PPP2R3A: variants seen among roughly 807,000 people sequenced by gnomAD.
PPP2R3A encodes protein phosphatase 2 regulatory subunit B''alpha.
PPP2R3A carries 80 observed loss-of-function variants against 106.9 expected under a neutral mutation model. That is an observed-to-expected ratio of 0.75 (90% CI 0.62 to 0.90). The LOEUF is 0.90. Among genes scored for constraint, PPP2R3A ranks in the 40% least tolerant of loss-of-function variants. PPP2R3A has a pLI of 0.00. For synonymous variants in PPP2R3A, 483 were observed against 468.3 expected, an observed-to-expected ratio of 1.03 and a Z score of -0.41; for missense variants, 1,386 against 1,350.4, an observed-to-expected ratio of 1.03 and a Z score of -0.41.
At chr3:136,105,981 A>G (rs1937506283) in intron 12 of PPP2R3A, among the ~76,000 whole-genome samples, 1 of 152,172 alleles carries the variant, frequency 6.6e-6, no homozygotes. Context: ...AAAAGAAAAA[A>G]GAAAAAAATG....
chr3:136,115,052 G>A (rs532454338), intron 13 of PPP2R3A, among the ~76,000 whole-genome samples: 3 of 152,344 alleles, frequency 2.0e-5, no homozygotes, highest in East Asian at 1.9e-4. Context: ...CATCTGGGAC[G>A]AAGCTTCCAG....
chr3:136,106,482 A>G (rs182627149), intron 13 of PPP2R3A, 160 bp downstream of exon 13: 36 of 627,168 alleles, frequency 5.7e-5, no homozygotes, highest in Middle Eastern at 8.2e-4. Context: ...TTTTCCAGCA[A>G]TCTTCACTCA....
chr3:136,125,483 A>T (rs1181709912), intron 13 of PPP2R3A, among the ~76,000 whole-genome samples: 2 of 152,230 alleles, frequency 1.3e-5, no homozygotes, highest in African/African-American at 4.8e-5. Context: ...AGCCAGTATC[A>T]CCCTAATATC....
chr3:136,095,130 G>T (rs1937186633), intron 10 of PPP2R3A, among the ~76,000 whole-genome samples: 1 of 151,990 alleles, frequency 6.6e-6, no homozygotes, highest in Admixed American at 6.6e-5. Context: ...CAGCATCTTT[G>T]AACTGTTTTT....
intron 2 of PPP2R3A, among the ~76,000 whole-genome samples, chr3:136,018,566 A>G (rs1034409469): frequency 1.3e-5 from 2 of 152,278 alleles, no homozygotes; most frequent in Non-Finnish European, 2.9e-5. Context: ...TAAGCCTAAC[A>G]GAATGAATTG....
At chr3:136,035,627 C>T (rs980823436) in intron 3 of PPP2R3A, among the ~76,000 whole-genome samples, 14 of 152,146 alleles carry the variant, frequency 9.2e-5, no homozygotes, top group African/African-American at 7.2e-5. Context: ...TTTTAGGTTA[C>T]GTAGTACTTT....
intron 13 of PPP2R3A, among the ~76,000 whole-genome samples, chr3:136,144,538 G>A (rs1213350180): frequency 2.0e-5 from 3 of 152,068 alleles, no homozygotes; most frequent in African/African-American, 7.2e-5. Flanking sequence ...GCGCATGCAT[G>A]TAGTCCCAGC....
intron 5 of PPP2R3A, among the ~76,000 whole-genome samples, chr3:136,068,093 C>A (rs1055918154): frequency 1.2e-4 from 19 of 152,282 alleles, no homozygotes; most frequent in African/African-American, 3.4e-4. Context: ...TGGCACACAC[C>A]TGTAGTTCCA....
At chr3:136,083,147 G>A (rs1936833262) in intron 8 of PPP2R3A, among the ~76,000 whole-genome samples, 1 of 152,090 alleles carries the variant, frequency 6.6e-6, no homozygotes. Context: ...CTAAGTAGCT[G>A]GGACTACAGG....
Position 136,037,445 on chromosome 3 carries a change from A to G in PPP2R3A, c.2263-3414A>G, listed in dbSNP as rs534981037. Among the ~76,000 whole-genome samples the G allele has an allele frequency of 5.9e-5, 9 of 152,362 alleles. No individual in the cohort carries two copies. In the East Asian group the frequency reaches 1.7e-3, roughly 29 times the overall value. The stretch of plus-strand genomic sequence containing the variant: ...CAGAGACTGGGCCAAAGGATTCATC[A>G]TGGAGTTTTAACTTCTAGCAGAAAG... On this transcript the variant is annotated intron_variant, in intron 3 of 13. Coordinates refer to ENST00000264977, the MANE Select transcript of PPP2R3A (RefSeq NM_002718.5).
At chr3:136,130,611 T>C (rs1268310105) in intron 13 of PPP2R3A, among the ~76,000 whole-genome samples, 1 of 152,108 alleles carries the variant, frequency 6.6e-6, no homozygotes, top group Non-Finnish European at 1.5e-5. Flanking sequence ...TGCAGTGCCA[T>C]CCCCTTCAAG....
chr3:136,113,574 T>G (rs1937632236), intron 13 of PPP2R3A, among the ~76,000 whole-genome samples: 1 of 152,134 alleles, frequency 6.6e-6, no homozygotes, highest in Admixed American at 6.5e-5. Flanking sequence ...GAGGATCACT[T>G]GAGGCTAGGA....
intron 1 of PPP2R3A, among the ~76,000 whole-genome samples, chr3:135,977,523 A>C (rs1197687039): frequency 6.6e-6 from 1 of 151,980 alleles, no homozygotes. Context: ...TTTTAGTTGC[A>C]TTTGTGGTTT....
chr3:136,027,182 C>T, intron 3 of PPP2R3A, 84 bp downstream of exon 3: 3 of 1,231,088 alleles, frequency 2.4e-6, no homozygotes, highest in South Asian at 3.1e-5. Context: ...CCGGATCCCA[C>T]CCCCCTTCAC....
chr3:135,983,600 A>AT (rs1937567706), intron 1 of PPP2R3A, among the ~76,000 whole-genome samples: 1 of 152,128 alleles, frequency 6.6e-6, no homozygotes, highest in African/African-American at 2.4e-5. Flanking sequence ...GTTTCTTTAA[A>AT]TTGCTTTGTC....
At chr3:136,009,915 C>T (rs984453018) in intron 2 of PPP2R3A, among the ~76,000 whole-genome samples, 6 of 152,198 alleles carry the variant, frequency 3.9e-5, no homozygotes, top group Non-Finnish European at 7.3e-5. Flanking sequence ...AACTTGGCTA[C>T]AGAAGATCAC....
chr3:136,078,757 A>G (rs767133130), intron 7 of PPP2R3A, among the ~76,000 whole-genome samples: 1 of 152,182 alleles, frequency 6.6e-6, no homozygotes, highest in Non-Finnish European at 1.5e-5. Context: ...GCGGCTTCAC[A>G]ATAGATAAGC....
At chr3:136,055,651 A>G in intron 5 of PPP2R3A, 1 of 1,256,652 alleles carries the variant, frequency 8.0e-7, no homozygotes. Context: ...AGTACTTGAT[A>G]CAGAGGTTGT....
At chr3:136,070,186 C>T (rs927837147) in intron 5 of PPP2R3A, among the ~76,000 whole-genome samples, 1 of 152,170 alleles carries the variant, frequency 6.6e-6, no homozygotes, top group African/African-American at 2.4e-5. Flanking sequence ...CCTTGATGTG[C>T]TGTTGATGTG....
Sources: allele counts gnomAD v4.1 joint callset (sites outside exome capture counted in the v4.1 genomes callset), GRCh38; gene constraint gnomAD v4.1.1; transcripts MANE v1.5; gene names NCBI Gene and HGNC (gene_info 2026-07-23, HGNC 2026-07-21).